Variants in OSBPL1A observed in about 807,000 individuals in gnomAD.
OSBPL1A encodes oxysterol-binding protein-related protein 1.
OSBPL1A carries 80 observed loss-of-function variants against 137.1 expected under a neutral mutation model. The observed-to-expected ratio is 0.58, with a 90% CI of 0.49 to 0.70. The LOEUF is 0.70. Ranked by LOEUF, OSBPL1A falls within the 30% of genes least tolerant of loss-of-function variation. The probability of loss-of-function intolerance (pLI) is 0.00; values close to 1 mark genes in which losing one functional copy is unlikely to be tolerated. For missense variants in OSBPL1A, 970 were observed against 1,129.4 expected (o/e 0.86, Z 2.02); for synonymous variants, 365 against 389.7 (o/e 0.94, Z 0.75).
intron 26 of OSBPL1A, among the ~76,000 whole-genome samples, chr18:24,165,950 A>G (rs2145902627): frequency 6.6e-6 from 1 of 152,320 alleles, no homozygotes; most frequent in Non-Finnish European, 1.5e-5. Flanking sequence ...TACAAAAATT[A>G]GCCGGGTGTG....
chr18:24,324,039 A>T (rs1490726372), intron 7 of OSBPL1A, among the ~76,000 whole-genome samples: 1 of 76,806 alleles, frequency 1.3e-5, no homozygotes, highest in African/African-American at 7.2e-5. Flanking sequence ...TAGCAGCATG[A>T]TTTATACTCA....
At chr18:24,368,662 G>C in intron 2 of OSBPL1A, 1 of 268,488 alleles carries the variant, frequency 3.7e-6, no homozygotes, top group South Asian at 7.9e-5. Context: ...CTTGACTCTA[G>C]GGCTCCGAGT....
intron 18 of OSBPL1A, among the ~76,000 whole-genome samples, chr18:24,187,610 C>T (rs1373051640): frequency 6.6e-6 from 1 of 152,110 alleles, no homozygotes; most frequent in Non-Finnish European, 1.5e-5. Flanking sequence ...AGAATAGTGC[C>T]AGGCATCTGT....
intron 14 of OSBPL1A, among the ~76,000 whole-genome samples, chr18:24,296,260 C>T (rs1599630989): frequency 6.6e-6 from 1 of 152,032 alleles, no homozygotes; most frequent in East Asian, 1.9e-4. Flanking sequence ...TATTTTTTTG[C>T]AACTGTTGTA....
chr18:24,391,356 T>C (rs536534929), intron 1 of OSBPL1A, among the ~76,000 whole-genome samples: 1 of 152,118 alleles, frequency 6.6e-6, no homozygotes, highest in African/African-American at 2.4e-5. Context: ...GAAAAGGTCA[T>C]GGGGATGGAC....
At chr18:24,299,420 C>T (rs78086869) in intron 14 of OSBPL1A, among the ~76,000 whole-genome samples, 21,132 of 151,920 alleles carry the variant, frequency 0.14, 1,536 homozygotes, top group South Asian at 0.17. Flanking sequence ...TCTTGTAGTG[C>T]TGGTTTGGTA....
At chr18:24,350,639 C>A (rs1303432538) in intron 4 of OSBPL1A, among the ~76,000 whole-genome samples, 4 of 152,070 alleles carry the variant, frequency 2.6e-5, no homozygotes, top group Admixed American at 6.6e-5. Context: ...AAATAATAAT[C>A]AGGTCACACA....
chr18:24,318,745 T>C lies in OSBPL1A; in HGVS notation c.687+3A>G. The stretch of plus-strand genomic sequence containing the variant: ...TAGATAAATTTAATTCATTACTCTG[T>C]ACCTTATTACCAACAAGAATGTGTT... On this transcript the variant is annotated splice_donor_region_variant and intron_variant, in intron 8 of 27. Transcript: ENST00000319481. 1.9e-6 allele frequency: 3 copies of C among 1,611,872 alleles called. No homozygotes were observed. Among genetic ancestry groups the C allele is most frequent in the Non-Finnish European group, 2.5e-6 (3 of 1,179,044 alleles).
chr18:24,394,288 C>A (rs1907577337), intron 1 of OSBPL1A, among the ~76,000 whole-genome samples: 1 of 152,140 alleles, frequency 6.6e-6, no homozygotes, highest in African/African-American at 2.4e-5. Flanking sequence ...ACCATATCAC[C>A]AGGTATTTAT....
At chr18:24,204,598 A>G (rs1185266628) in intron 17 of OSBPL1A, among the ~76,000 whole-genome samples, 1 of 149,998 alleles carries the variant, frequency 6.7e-6, no homozygotes, top group East Asian at 2.0e-4. Flanking sequence ...CATTCTCTAA[A>G]TGATATATAT....
chr18:24,299,278 C>T (rs915356169), intron 14 of OSBPL1A, among the ~76,000 whole-genome samples: 18 of 152,010 alleles, frequency 1.2e-4, no homozygotes, highest in African/African-American at 3.9e-4. Flanking sequence ...TCATGTTAGT[C>T]GATACCTAGA....
intron 13 of OSBPL1A, among the ~76,000 whole-genome samples, chr18:24,310,893 T>C (rs539190718): frequency 7.9e-5 from 12 of 152,324 alleles, no homozygotes; most frequent in African/African-American, 2.6e-4. Flanking sequence ...TTTGGCCATA[T>C]GTATTTAAAT....
chr18:24,234,102 A>G, intron 16 of OSBPL1A, among the ~76,000 whole-genome samples: 1 of 152,258 alleles, frequency 6.6e-6, no homozygotes, highest in East Asian at 1.9e-4. Context: ...AGTAGCAAAA[A>G]GAAAAAACAA....
chr18:24,254,242 A>G (rs181271263), intron 15 of OSBPL1A, among the ~76,000 whole-genome samples: 13 of 152,352 alleles, frequency 8.5e-5, no homozygotes, highest in African/African-American at 3.1e-4. Flanking sequence ...CCTCAATATA[A>G]TAATTGCCGG....
chr18:24,278,952 C>T (rs1228233443), intron 15 of OSBPL1A, among the ~76,000 whole-genome samples: 1 of 152,008 alleles, frequency 6.6e-6, no homozygotes, highest in East Asian at 1.9e-4. Flanking sequence ...AAAAATCAAC[C>T]ATTTGAAATG....
At chr18:24,312,200 G>T in intron 12 of OSBPL1A, 94 bp from the exon 13 acceptor site, 4 of 1,452,396 alleles carry the variant, frequency 2.8e-6, no homozygotes, top group Non-Finnish European at 3.7e-6. Context: ...AATTTACCTA[G>T]TGAAATAAAT....
chr18:24,347,072 T>C (rs1055456135), intron 4 of OSBPL1A, among the ~76,000 whole-genome samples: 18 of 151,714 alleles, frequency 1.2e-4, no homozygotes, highest in African/African-American at 3.7e-4. Context: ...CTGTTAGGAA[T>C]TATGCTGCTA....
chr18:24,338,903 G>A (rs1483704856), intron 5 of OSBPL1A, among the ~76,000 whole-genome samples: 6 of 152,038 alleles, frequency 3.9e-5, no homozygotes, highest in Non-Finnish European at 8.8e-5. Context: ...TAGTAGAGAC[G>A]GGGTTTCACC....
intron 14 of OSBPL1A, among the ~76,000 whole-genome samples, chr18:24,303,370 A>G (rs528312088): frequency 9.2e-5 from 14 of 152,344 alleles, no homozygotes; most frequent in African/African-American, 2.4e-4. Flanking sequence ...CTCATTCCGC[A>G]GCCAAAATTA....
Sources: allele counts gnomAD v4.1 joint callset (sites outside exome capture counted in the v4.1 genomes callset), GRCh38; gene constraint gnomAD v4.1.1; transcripts MANE v1.5; gene names NCBI Gene and HGNC (gene_info 2026-07-23, HGNC 2026-07-21).